The following IMPDH2 variants were observed in gnomAD, a reference collection of about 807,000 sequenced individuals.
IMPDH2 encodes the protein inosine-5'-monophosphate dehydrogenase 2.
A neutral mutation model predicts 57.8 loss-of-function variants in IMPDH2; 33 were observed. That is an observed-to-expected ratio of 0.57 (90% CI 0.43 to 0.76). The LOEUF (loss-of-function observed/expected upper bound fraction) is 0.76. Ranked by LOEUF, IMPDH2 falls within the 30% of genes least tolerant of loss-of-function variation. The pLI, the probability that IMPDH2 is intolerant of heterozygous loss-of-function variation, is 0.00. For missense variants in IMPDH2, 446 were observed against 659.1 expected, an observed-to-expected ratio of 0.68 and a Z score of 3.54; for synonymous variants, 270 against 241.3, an observed-to-expected ratio of 1.12 and a Z score of -1.10.
intron 3 of IMPDH2, 29 bp from the exon 4 acceptor site, chr3:49,028,351 G>A (rs374573968): frequency 8.7e-6 from 14 of 1,610,598 alleles, no homozygotes; most frequent in Non-Finnish European, 1.1e-5. Context: ...CTACTACTAA[G>A]TGACAAGAAG....
chr3:49,026,941 T>C lies in IMPDH2; in HGVS notation c.619+19A>G. ...CCCTAGGCATTAGTTCCAGGCCCTTTCCCAGCTCTAGGACTTACCCTTCTT... is the reference window on the plus strand; with the variant it reads ...CCCTAGGCATTAGTTCCAGGCCCTTCCCCAGCTCTAGGACTTACCCTTCTT... On this transcript the variant is annotated intron_variant, in intron 6 of 13. Coordinates refer to ENST00000326739, the MANE Select transcript of IMPDH2 (RefSeq NM_000884.3). 6.2e-7 allele frequency: 1 copy of C among 1,613,808 alleles called. No individual in the cohort carries two copies. Among genetic ancestry groups the C allele is most frequent in the South Asian group, 1.1e-5 (1 of 91,074 alleles).
chr3:49,025,484 G>A (rs985352264), intron 9 of IMPDH2: 3 of 578,368 alleles, frequency 5.2e-6, no homozygotes, highest in African/African-American at 1.9e-5. Flanking sequence ...ATGTGCACGT[G>A]CATGTGTGCA....
chr3:49,025,507 G>C (rs1331642476), intron 9 of IMPDH2: 3 of 536,140 alleles, frequency 5.6e-6, no homozygotes, highest in Non-Finnish European at 1.0e-5. Flanking sequence ...GCCCAGGGCA[G>C]CCTCAGGCAC....
intron 1 of IMPDH2, 151 bp downstream of exon 1, chr3:49,029,102 A>C: frequency 1.4e-6 from 1 of 702,060 alleles, no homozygotes; most frequent in Non-Finnish European, 2.6e-6. Context: ...ACCGCTCCAG[A>C]TGTCTCAAAG....
Position 49,024,394 on chromosome 3 carries a change from G to A in IMPDH2, c.1534C>T (p.Arg512Trp), listed in dbSNP as rs763525578. The part of the protein sequence containing the change: ...GVHSLHSYEK[R>W]LF ...TGCTGGATCCCTTTTCAGAAAAGCC[G>A]CTTCTCATACCTGCAGGCAGAAGGA... Residue 512 changes from arginine (R) to tryptophan (W), a missense_variant, in exon 14 of 14, where the codon CGG becomes TGG. Coordinates refer to ENST00000326739, the MANE Select transcript of IMPDH2 (RefSeq NM_000884.3). 10 of 1,614,098 alleles carry A rather than the reference G, an allele frequency of 6.2e-6. No individual in the cohort carries two copies. The highest frequency in any genetic ancestry group is 1.1e-5 in the South Asian group (1 of 91,082).
chr3:49,026,735 C>T lies in IMPDH2; in HGVS notation c.771G>A (p.Lys257=), dbSNP rs2093201298. The T allele has an allele frequency of 2.5e-6, 4 of 1,614,126 alleles. No individual in the cohort carries two copies. The highest frequency in any genetic ancestry group is 2.2e-5 in the East Asian group (1 of 44,900). ...CCTGGGCGAGCAAGTCCAGCCTATA[C>T]TTGTCATCCTCATGAGTGCCAATGG... ...GAAIGTHEDD[K]YRLDLLAQAG... is the part of the protein sequence containing the mutation. The change falls in exon 7 of 14, where the codon AAG becomes AAA. Residue 257 remains lysine, a synonymous_variant. Transcript: ENST00000326739.
chr3:49,028,355 C>A, intron 3 of IMPDH2, 33 bp from the exon 4 acceptor site: 1 of 1,610,968 alleles, frequency 6.2e-7, no homozygotes, highest in South Asian at 1.1e-5. Context: ...TACTAAGTGA[C>A]AAGAAGCAGG....
intron 9 of IMPDH2, 195 bp from the exon 10 acceptor site, chr3:49,025,464 T>A: frequency 1.6e-6 from 1 of 619,632 alleles, no homozygotes; most frequent in Non-Finnish European, 2.9e-6. Context: ...TGACCTCTAC[T>A]CACCCCCACA....
Position 49,028,813 on chromosome 3 carries a change from G to A in IMPDH2, c.99-7C>T, listed in dbSNP as rs757207770. 6.2e-7 allele frequency: 1 copy of A among 1,612,554 alleles called. No individual in the cohort carries two copies. Among genetic ancestry groups the A allele is most frequent in the Admixed American group, 1.7e-5 (1 of 60,016 alleles). On this transcript the variant is annotated splice_region_variant and splice_polypyrimidine_tract_variant and intron_variant, in intron 1 of 13. Coordinates refer to ENST00000326739, the MANE Select transcript of IMPDH2 (RefSeq NM_000884.3). ...AGGGAGAATGAGAAAGTCACTGCGAGGGAAGGGAGTGAATTGGGAGTAAAG... is the reference window on the plus strand; with the variant it reads ...AGGGAGAATGAGAAAGTCACTGCGAAGGAAGGGAGTGAATTGGGAGTAAAG...
intron 10 of IMPDH2, 27 bp downstream of exon 10, chr3:49,025,099 C>G (rs746662160): frequency 1.9e-6 from 3 of 1,614,254 alleles, no homozygotes; most frequent in Non-Finnish European, 2.5e-6. Context: ...GGGGGTCCCA[C>G]TGGCCTTCAC....
Position 49,024,898 on chromosome 3 carries a change from G to A in IMPDH2, c.1293C>T (p.Phe431=), listed in dbSNP as rs373766453. ...GGTAACTGGCTTGCCTGTCCCACCT[G>A]AAATATCTGTTCTGGCTGCTGAGGT... ...DKHLSSQNRY[F]SEADKIKVAQ... is the part of the protein sequence containing the mutation. The change falls in exon 11 of 14, where the codon TTC becomes TTT. Residue 431 remains phenylalanine (F), a splice_region_variant and synonymous_variant. Transcript: ENST00000326739. 8 of 1,614,142 alleles carry A rather than the reference G, an allele frequency of 5.0e-6. No homozygotes were observed. The highest frequency in any genetic ancestry group is 6.8e-6 in the Non-Finnish European group (8 of 1,180,058).
chr3:49,027,293 C>T (rs1464251604), intron 5 of IMPDH2, among the ~76,000 whole-genome samples: 2 of 152,188 alleles, frequency 1.3e-5, no homozygotes, highest in African/African-American at 4.8e-5. Flanking sequence ...TATGGACCAC[C>T]ACGTTCATAC....
intron 1 of IMPDH2, 164 bp downstream of exon 1, chr3:49,029,089 A>C: frequency 1.5e-6 from 1 of 681,416 alleles, no homozygotes; most frequent in South Asian, 1.6e-5. Flanking sequence ...CCGTACCCCA[A>C]GCACCGCTCC....
In IMPDH2 at chr3:49,029,274, C is replaced by T. The variant is rs1178465525; in HGVS notation, c.77G>A (p.Cys26Tyr). The change falls in exon 1 of 14, where the codon TGC becomes TAC. Residue 26 changes from cysteine (C) to tyrosine (Y), a missense_variant. Transcript: ENST00000326739. ...GCACTTGTAGGTGAGGCCGTCTCCG[C>T]AGTTGAAGAGCTGCTGTGCTGTGAG... The part of the protein sequence containing the change: ...DGLTAQQLFN[C>Y]GDGLTYNDFL... 2 of 1,607,322 alleles carry T rather than the reference C, an allele frequency of 1.2e-6. No homozygotes were observed. The highest frequency in any genetic ancestry group is 1.7e-6 in the Non-Finnish European group (2 of 1,177,072).
Position 49,025,200 on chromosome 3 carries a change from A to G in IMPDH2, c.1076T>C (p.Val359Ala). The change falls in exon 10 of 14, where the codon GTT becomes GCT. Residue 359 changes from valine (V) to alanine (A), a missense_variant. Transcript: ENST00000326739. ...KVSEYARRFG[V>A]PVIADGGIQN... Reference sequence around the variant, plus strand: ...GATTCCTCCATCAGCAATGACCGGAACACCAAAGCGCCGTGCATACTCTGA... The same window carrying G: ...GATTCCTCCATCAGCAATGACCGGAGCACCAAAGCGCCGTGCATACTCTGA... 6.2e-7 allele frequency: 1 copy of G among 1,614,252 alleles called. No homozygotes were observed. Among genetic ancestry groups the G allele is most frequent in the Non-Finnish European group, 8.5e-7 (1 of 1,180,034 alleles).
intron 11 of IMPDH2, 29 bp from the exon 12 acceptor site, chr3:49,024,831 G>A (rs1382615322): frequency 6.2e-7 from 1 of 1,614,150 alleles, no homozygotes; most frequent in Non-Finnish European, 8.5e-7. Context: ...ACACGGGCAA[G>A]GTCACAGCAG....
At chr3:49,029,034 A>G (rs1395672287) in intron 1 of IMPDH2, 1 of 643,732 alleles carries the variant, frequency 1.6e-6, no homozygotes, top group Non-Finnish European at 2.8e-6. Flanking sequence ...TGTCTGGAGC[A>G]TGGAATCTCC....
chr3:49,024,608 A>T, intron 12 of IMPDH2, 30 bp from the exon 13 acceptor site: 1 of 1,614,196 alleles, frequency 6.2e-7, no homozygotes, highest in Non-Finnish European at 8.5e-7. Flanking sequence ...AAATGTGGGT[A>T]GCTGGCCCTG....
chr3:49,026,226 AT>A (rs2093198797), intron 9 of IMPDH2, 97 bp downstream of exon 9: 3 of 929,672 alleles, frequency 3.2e-6, no homozygotes, highest in Non-Finnish European at 5.1e-6. Context: ...GGTTGCCCCT[AT>A]TGGAGGGCTC....
Sources: gnomAD v4.1 joint callset for allele counts (sites outside exome capture counted in the v4.1 genomes callset) on GRCh38, gnomAD v4.1.1 for gene constraint, MANE v1.5 for transcripts, NCBI Gene and HGNC (gene_info 2026-07-23, HGNC 2026-07-21) for gene names.